The following CALY variants were observed in gnomAD, a reference collection of about 807,000 sequenced individuals.
The protein encoded by CALY is neuron-specific vesicular protein calcyon.
Under a neutral mutation model 20.2 loss-of-function variants are expected in CALY, and 15 were observed. That is an observed-to-expected ratio of 0.74 (90% CI 0.50 to 1.14). The LOEUF is 1.14. Ranked by LOEUF, CALY falls within the 50% of genes most tolerant of loss-of-function variation. The pLI is 0.00. For synonymous variants in CALY, 129 were observed against 131.8 expected (o/e 0.98, Z 0.15); for missense variants, 270 against 304.4 (o/e 0.89, Z 0.84).
chr10:133,325,989 G>A lies in CALY; in HGVS notation c.492C>T (p.Ala164=). ...TGGCTGCGCGGTAGCCGTCCCCCCA[G>A]GCCGCCGGCGTCTCCGTGCCGTGCT... ...SRKHGTETPA[A]WGDGYRAAKE... is the part of the protein sequence containing the mutation. Residue 164 remains alanine, a synonymous_variant, in exon 5 of 6, where the codon GCC becomes GCT. Coordinates refer to ENST00000252939, the MANE Select transcript of CALY (RefSeq NM_015722.4). The A allele has an allele frequency of 6.4e-7, 1 of 1,559,922 alleles. No individual in the cohort carries two copies. Among genetic ancestry groups the A allele is most frequent in the African/African-American group, 1.4e-5 (1 of 73,464 alleles).
chr10:133,336,602 G>A (rs957902345), intron 1 of CALY, among the ~76,000 whole-genome samples: 4 of 152,224 alleles, frequency 2.6e-5, no homozygotes, highest in African/African-American at 9.6e-5. Flanking sequence ...CTGGCCTGGG[G>A]CAGCCAGAGG....
chr10:133,335,212 G>A (rs1192255150), intron 1 of CALY, among the ~76,000 whole-genome samples: 1 of 152,004 alleles, frequency 6.6e-6, no homozygotes, highest in African/African-American at 2.4e-5. Context: ...GAGGGGTCGG[G>A]GGTCTCCCCG....
rs1269555892 is a variant in CALY at position 133,327,950 on chromosome 10, C to T, written c.201G>A (p.Leu67=). The change falls in exon 3 of 6, where the codon CTG becomes CTA. Residue 67 remains leucine, a synonymous_variant. Coordinates refer to ENST00000252939, the MANE Select transcript of CALY (RefSeq NM_015722.4). The part of the protein sequence containing the change: ...SSPDQQNFPD[L]EGQRLNCSHP... ...GGCTGCAGTTCAGCCTCTGGCCCTCCAGGTCAGGGAAATTCTGCTGGTCTG... is the reference window on the plus strand; with the variant it reads ...GGCTGCAGTTCAGCCTCTGGCCCTCTAGGTCAGGGAAATTCTGCTGGTCTG... 3.7e-6 allele frequency: 6 copies of T among 1,613,252 alleles called. No individual in the cohort carries two copies. Among genetic ancestry groups the T allele is most frequent in the South Asian group, 1.1e-5 (1 of 90,842 alleles).
In CALY at chr10:133,330,059, C is replaced by T. The variant is rs192839803; in HGVS notation, c.-20-1050G>A. On this transcript the variant is annotated intron_variant, in intron 1 of 5. Coordinates refer to ENST00000252939, the MANE Select transcript of CALY (RefSeq NM_015722.4). ...CTAACCCAGAGAAGCCGAGGGTGCC[C>T]GGCTTCGCCTTCAGGCGGACCTTCT... is the stretch of plus-strand genomic sequence containing the variant. Among the ~76,000 whole-genome samples the T allele has an allele frequency of 4.7e-3, 717 of 152,344 alleles. 5 individuals carry two copies. The highest frequency in any genetic ancestry group is 0.016 in the African/African-American group (675 of 41,578).
chr10:133,335,680 C>T (rs1249354159), intron 1 of CALY, among the ~76,000 whole-genome samples: 3 of 152,238 alleles, frequency 2.0e-5, no homozygotes, highest in African/African-American at 7.2e-5. Context: ...ATGGGGGCCT[C>T]CTCCCACGGA....
chr10:133,330,448 G>T (rs1241498684), intron 1 of CALY, among the ~76,000 whole-genome samples: 1 of 150,474 alleles, frequency 6.6e-6, no homozygotes, highest in Non-Finnish European at 1.5e-5. Context: ...ACGAGGTCAG[G>T]AGATCGAGAC....
chr10:133,324,473 G>GGGAT lies in CALY; in HGVS notation c.*1121_*1122insATCC, dbSNP rs1848170791. On this transcript the variant is annotated 3_prime_UTR_variant, in exon 6 of 6. Coordinates refer to ENST00000252939, the MANE Select transcript of CALY (RefSeq NM_015722.4). The stretch of plus-strand genomic sequence containing the variant: ...CCACCAATGGTCGGGGGCTGGGGTG[G>GGGAT]GCGGGGCTGCAGAGCCGCTGCTGGC... The GGGAT allele has an allele frequency of 2.2e-6, 1 of 448,330 alleles. No individual in the cohort carries two copies. Among genetic ancestry groups the GGGAT allele is most frequent in the African/African-American group, 2.0e-5 (1 of 49,674 alleles). The allele number at this position is 448,330 out of a possible 1,614,324, so 27.8% of individuals were successfully genotyped here.
intron 2 of CALY, among the ~76,000 whole-genome samples, chr10:133,328,297 C>A (rs149111611): frequency 0.012 from 1,837 of 152,300 alleles, 13 homozygotes; most frequent in South Asian, 0.022. Context: ...ACTCAGGGTG[C>A]TGGAGAATTG....
chr10:133,327,771 C>T (rs1848237990), intron 3 of CALY, 134 bp downstream of exon 3: 1 of 728,762 alleles, frequency 1.4e-6, no homozygotes, highest in Non-Finnish European at 2.5e-6. Context: ...GGCGGGATGA[C>T]TCACTGCCAC....
At chr10:133,331,494 AT>A (rs1848307107) in intron 1 of CALY, among the ~76,000 whole-genome samples, 1 of 152,226 alleles carries the variant, frequency 6.6e-6, no homozygotes, top group Admixed American at 6.5e-5. Flanking sequence ...AAATAAATAA[AT>A]AATTTATTGA....
chr10:133,332,307 A>C (rs1848323186), intron 1 of CALY, among the ~76,000 whole-genome samples: 1 of 152,190 alleles, frequency 6.6e-6, no homozygotes, highest in Admixed American at 6.5e-5. Flanking sequence ...CGCTGTCCAC[A>C]TCAAGAGCAA....
At chr10:133,331,522 AATATC>A (rs1479507271) in intron 1 of CALY, among the ~76,000 whole-genome samples, 2 of 152,242 alleles carry the variant, frequency 1.3e-5, no homozygotes, top group African/African-American at 2.4e-5. Context: ...CAATTTAAAT[AATATC>A]AAAACTATCA....
intron 1 of CALY, among the ~76,000 whole-genome samples, chr10:133,331,638 A>G (rs1177629055): frequency 1.3e-5 from 2 of 152,164 alleles, no homozygotes; most frequent in African/African-American, 4.8e-5. Context: ...AAGAAAAGCT[A>G]AATTCCCCAA....
At position 133,330,383 on chromosome 10, in the gene CALY, C is replaced by T. The variant is rs1384473672; in HGVS notation, c.-20-1374G>A. ...AAAAAAAAAAAAAAAAAAGGCAGGG[C>T]GCGGTGGCTCACGCCTGTAATCCCA... On this transcript the variant is annotated intron_variant, in intron 1 of 5. Transcript: ENST00000252939. Among the ~76,000 whole-genome samples, 8 of 140,490 alleles carry T rather than the reference C, an allele frequency of 5.7e-5. No individual in the cohort carries two copies. The East Asian group carries it at 1.3e-3, about 23-fold the overall frequency. 92.2% of individuals were successfully genotyped at this position (140,490 alleles called of 152,430 possible). A position where few individuals can be genotyped will look rare whatever the true frequency, so the allele number is the denominator to read the frequency against.
At chr10:133,329,981 C>A (rs975772573) in intron 1 of CALY, among the ~76,000 whole-genome samples, 2 of 152,150 alleles carry the variant, frequency 1.3e-5, no homozygotes, top group African/African-American at 2.4e-5. Flanking sequence ...GGGTCTCCTG[C>A]GGAGCTGAAA....
intron 1 of CALY, among the ~76,000 whole-genome samples, chr10:133,330,521 G>A (rs1366527243): frequency 6.9e-6 from 1 of 145,570 alleles, no homozygotes; most frequent in Non-Finnish European, 1.5e-5. Context: ...AGCCGGGCGC[G>A]GTGGCGGGCG....
At position 133,335,384 on chromosome 10, in the gene CALY, C is replaced by T. The variant is rs1589858207; in HGVS notation, c.-21+1450G>A. On this transcript the variant is annotated intron_variant, in intron 1 of 5. Coordinates refer to ENST00000252939, the MANE Select transcript of CALY (RefSeq NM_015722.4). ...CGCCCGAACCCCCGCTCGGGCAGGA[C>T]CCCCGCCAGGAGGAGCTGCGCTTGA... 1.3e-5 allele frequency among the ~76,000 whole-genome samples: 2 copies of T among 152,184 alleles called. 1 individual carries two copies. The highest frequency in any genetic ancestry group is 4.8e-5 in the African/African-American group (2 of 41,442).
rs1454172692 is a variant in CALY, at chr10:133,324,318, G to T, written c.*1277C>A. 2.2e-6 allele frequency: 1 copy of T among 455,572 alleles called. No individual in the cohort carries two copies. The highest frequency in any genetic ancestry group is 4.4e-6 in the Non-Finnish European group (1 of 226,714). 28.2% of individuals were successfully genotyped at this position (455,572 alleles called of 1,614,324 possible). A position where few individuals can be genotyped will look rare whatever the true frequency, so the allele number is the denominator to read the frequency against. ...GCTTCCAGCTCACCATGGCTTCCCT[G>T]GCAGGCCCAGTTCACAGGCTTCCTG... is the stretch of plus-strand genomic sequence containing the variant. On this transcript the variant is annotated 3_prime_UTR_variant, in exon 6 of 6. Transcript: ENST00000252939.
At position 133,325,833 on chromosome 10, in the gene CALY, C is replaced by G; in HGVS notation, c.648G>C (p.Ala216=). ...KAAGSAAPPP[A]Q Reference sequence around the variant, plus strand: ...GGCTGCGGGGCTGGAGACGTCACTGCGCGGGCGGGGGCGCCGCGCTCCCGG... The same window carrying G: ...GGCTGCGGGGCTGGAGACGTCACTGGGCGGGCGGGGGCGCCGCGCTCCCGG... The change falls in exon 5 of 6, where the codon GCG becomes GCC. Residue 216 remains alanine (A), a synonymous_variant. Transcript: ENST00000252939. The G allele has an allele frequency of 1.6e-6, 2 of 1,222,362 alleles. No individual in the cohort carries two copies. Among genetic ancestry groups the G allele is most frequent in the South Asian group, 7.6e-5 (2 of 26,312 alleles). 75.7% of individuals were successfully genotyped at this position (1,222,362 alleles called of 1,614,324 possible). A position where few individuals can be genotyped will look rare whatever the true frequency, so the allele number is the denominator to read the frequency against.
Sources: allele counts gnomAD v4.1 joint callset (sites outside exome capture counted in the v4.1 genomes callset), GRCh38; gene constraint gnomAD v4.1.1; transcripts MANE v1.5; gene names NCBI Gene and HGNC (gene_info 2026-07-23, HGNC 2026-07-21).